RTN4: variants seen among roughly 807,000 people sequenced by gnomAD.
RTN4 encodes the protein reticulon-4.
Under a neutral mutation model 90.4 loss-of-function variants are expected in RTN4, and 32 were observed. The observed-to-expected ratio is 0.35, with a 90% confidence interval of 0.27 to 0.48. RTN4 has a LOEUF of 0.48. Ranked by LOEUF, RTN4 falls within the 20% of genes least tolerant of loss-of-function variation. RTN4 has a pLI of 0.99. For synonymous variants in RTN4, 629 were observed against 552.5 expected (o/e 1.14, Z -1.94); for missense variants, 1,706 against 1,430.2 (o/e 1.19, Z -3.11).
intron 1 of RTN4, among the ~76,000 whole-genome samples, chr2:55,029,755 A>G (rs1415996908): frequency 1.3e-5 from 2 of 152,166 alleles, no homozygotes; most frequent in Non-Finnish European, 2.9e-5. Context: ...GTGTGTTTAA[A>G]AGGGTTTCCT....
chr2:55,059,097 C>T (rs13416852), intron 2 of RTN4, among the ~76,000 whole-genome samples: 22,527 of 151,968 alleles, frequency 0.15, 2,773 homozygotes, highest in African/African-American at 0.34. Flanking sequence ...TCTCTAATAA[C>T]GGAGATGACC....
chr2:54,998,981 A>T (rs1330369164), intron 3 of RTN4, among the ~76,000 whole-genome samples: 2 of 152,256 alleles, frequency 1.3e-5, no homozygotes, highest in East Asian at 3.9e-4. Flanking sequence ...ACTCATACAA[A>T]ATGTTCATTA....
intron 4 of RTN4, 133 bp downstream of exon 4, chr2:54,987,358 G>C: frequency 1.4e-6 from 1 of 724,348 alleles, no homozygotes; most frequent in South Asian, 1.7e-5. Flanking sequence ...TTTTGGTATA[G>C]CTCAAGCAAA....
At chr2:55,066,169 T>TTGTGTGTGTGTGTGTGTGTTTGTG (rs1668385605) in intron 2 of RTN4, among the ~76,000 whole-genome samples, 6 of 142,278 alleles carry the variant, frequency 4.2e-5, no homozygotes, top group African/African-American at 1.6e-4. Context: ...ATGAACCCAT[T>TTGTGTGTGTGTGTGTGTGTTTGTG]TGTGTGTGTG....
chr2:55,012,267 C>A (rs544475303), intron 3 of RTN4, among the ~76,000 whole-genome samples: 1 of 152,014 alleles, frequency 6.6e-6, no homozygotes, highest in African/African-American at 2.4e-5. Context: ...TAAGACATAC[C>A]CACTCATCTA....
chr2:54,980,341 C>T (rs1243121245), intron 5 of RTN4, among the ~76,000 whole-genome samples: 2 of 143,388 alleles, frequency 1.4e-5, no homozygotes, highest in African/African-American at 2.6e-5. Context: ...TCTCCTCTTG[C>T]CCCGTATCTA....
intron 3 of RTN4, among the ~76,000 whole-genome samples, chr2:54,990,944 G>A (rs971745705): frequency 1.4e-4 from 22 of 151,934 alleles, no homozygotes; most frequent in African/African-American, 3.6e-4. Context: ...CACCATGCCC[G>A]GCTGATTTTT....
chr2:55,048,464 A>G (rs1202630254), intron 1 of RTN4, among the ~76,000 whole-genome samples: 1 of 152,192 alleles, frequency 6.6e-6, no homozygotes, highest in Non-Finnish European at 1.5e-5. Context: ...GCTATAGAAA[A>G]GAAATTTTAT....
chr2:55,093,569 G>A (rs1458785571), intron 1 of RTN4, among the ~76,000 whole-genome samples: 1 of 152,106 alleles, frequency 6.6e-6, no homozygotes, highest in Non-Finnish European at 1.5e-5. Flanking sequence ...GCTTCTTCCG[G>A]AGGAAGCCCT....
chr2:55,105,339 C>G (rs1272434446), intron 1 of RTN4, among the ~76,000 whole-genome samples: 1 of 150,190 alleles, frequency 6.7e-6, no homozygotes, highest in Non-Finnish European at 1.5e-5. Flanking sequence ...AAGCAGTTCT[C>G]CTGCCTCAGC....
intron 3 of RTN4, among the ~76,000 whole-genome samples, chr2:54,989,958 G>A (rs1428963521): frequency 6.6e-6 from 1 of 152,072 alleles, no homozygotes; most frequent in Non-Finnish European, 1.5e-5. Context: ...GCCCTTGGTA[G>A]GATCACTCTT....
upstream of RTN4, among the ~76,000 whole-genome samples, chr2:55,054,105 AT>A (rs1350854991): frequency 1.3e-5 from 2 of 152,262 alleles, no homozygotes; most frequent in Non-Finnish European, 2.9e-5. Flanking sequence ...ATTTATACAA[AT>A]AAAAAATTTA....
chr2:54,993,528 A>C (rs1482273368), intron 3 of RTN4, among the ~76,000 whole-genome samples: 2 of 152,250 alleles, frequency 1.3e-5, no homozygotes, highest in Non-Finnish European at 2.9e-5. Flanking sequence ...AATGATAGTA[A>C]GCCCTAACCT....
intron 1 of RTN4, among the ~76,000 whole-genome samples, chr2:55,102,891 G>T (rs1182375984): frequency 6.6e-6 from 1 of 152,046 alleles, no homozygotes; most frequent in Non-Finnish European, 1.5e-5. Context: ...GGCTGAGGCG[G>T]GCGGATCACC....
intron 3 of RTN4, among the ~76,000 whole-genome samples, chr2:55,012,410 G>A (rs1367224653): frequency 6.7e-6 from 1 of 150,234 alleles, no homozygotes; most frequent in African/African-American, 2.5e-5. Context: ...AAGTGTACAA[G>A]GAAAACTAGC....
rs755455297 is a variant in RTN4, at chr2:55,027,436, T to C, written c.663A>G (p.Gln221=). The change falls in exon 3 of 9, where the codon CAA becomes CAG. Residue 221 remains glutamine (Q), a synonymous_variant. Transcript: ENST00000337526. ...EQPGNTISAG[Q]EDFPSVLLET... The stretch of plus-strand genomic sequence containing the variant: ...CAAGCAGGACAGATGGGAAATCCTC[T>C]TGACCAGCCGAAATAGTGTTACCTG... The C allele has an allele frequency of 2.5e-6, 4 of 1,613,262 alleles. No homozygotes were observed. The highest frequency in any genetic ancestry group is 3.4e-6 in the Non-Finnish European group (4 of 1,179,566).
chr2:55,007,840 T>C (rs1680342078), intron 3 of RTN4, among the ~76,000 whole-genome samples: 1 of 152,072 alleles, frequency 6.6e-6, no homozygotes, highest in South Asian at 2.1e-4. Flanking sequence ...CTGTCCTAAA[T>C]ATTCTGTTCT....
upstream of RTN4, chr2:55,050,543 G>C: frequency 2.8e-6 from 1 of 357,940 alleles, no homozygotes; most frequent in Non-Finnish European, 5.0e-6. The surrounding 1 kb of genome is among the most constrained non-coding windows in gnomAD (Gnocchi z 4.6). Flanking sequence ...AGTGAGGCCA[G>C]CGGACTCTCC....
intron 4 of RTN4, among the ~76,000 whole-genome samples, chr2:54,983,207 G>A (rs549661027): frequency 6.6e-6 from 1 of 151,816 alleles, no homozygotes; most frequent in South Asian, 2.1e-4. Context: ...AGATTGTAAA[G>A]TGGCTGCCAA....
Sources: allele counts gnomAD v4.1 joint callset (sites outside exome capture counted in the v4.1 genomes callset), GRCh38; gene constraint gnomAD v4.1.1; non-coding constraint Gnocchi (gnomAD v3.1); transcripts MANE v1.5; gene names NCBI Gene and HGNC (gene_info 2026-07-23, HGNC 2026-07-21).